CACNA1C: variants seen among roughly 807,000 people sequenced by gnomAD.
CACNA1C encodes the protein calcium voltage-gated channel subunit alpha1 C.
In CACNA1C, 30 loss-of-function variants were observed where a neutral mutation model predicts 229.0. That is an observed-to-expected ratio of 0.13 (90% CI 0.10 to 0.18). The LOEUF is 0.18. Among genes scored for constraint, CACNA1C ranks in the 10% least tolerant of loss-of-function variants. The probability of loss-of-function intolerance (pLI) is 1.00; values close to 1 mark genes in which losing one functional copy is unlikely to be tolerated. For missense variants in CACNA1C, 1,658 were observed against 2,845.0 expected (o/e 0.58, Z 9.49); for synonymous variants, 1,114 against 1,132.5 (o/e 0.98, Z 0.33).
intron 5 of CACNA1C, among the ~76,000 whole-genome samples, chr12:2,462,835 C>A (rs2099520082): frequency 6.6e-6 from 1 of 151,228 alleles, no homozygotes; most frequent in African/African-American, 2.4e-5. Context: ...GTTTTTCTTA[C>A]AACAAATAGG....
chr12:2,671,246 C>T (rs1246807636), intron 38 of CACNA1C, among the ~76,000 whole-genome samples: 1 of 152,154 alleles, frequency 6.6e-6, no homozygotes, highest in African/African-American at 2.4e-5. Context: ...ATCTCCTGAC[C>T]TTGTGATCTG....
intron 29 of CACNA1C, among the ~76,000 whole-genome samples, chr12:2,631,292 C>T (rs535744546): frequency 9.9e-5 from 15 of 152,232 alleles, no homozygotes; most frequent in East Asian, 3.9e-4. Flanking sequence ...CCTCCCACAC[C>T]GAAATAATGT....
intron 4 of CACNA1C, among the ~76,000 whole-genome samples, chr12:2,450,307 C>T (rs534801206): frequency 2.0e-5 from 3 of 152,198 alleles, no homozygotes; most frequent in East Asian, 1.9e-4. Context: ...GTAATCCCAG[C>T]ACTTTGGGAG....
At chr12:2,475,263 C>T (rs2099619805) in intron 5 of CACNA1C, among the ~76,000 whole-genome samples, 1 of 151,606 alleles carries the variant, frequency 6.6e-6, no homozygotes, top group African/African-American at 2.4e-5. Context: ...CACGCCACTG[C>T]ACTCCAGCCT....
chr12:2,301,470 CA>C (rs2154474032), intron 3 of CACNA1C, among the ~76,000 whole-genome samples: 1 of 152,226 alleles, frequency 6.6e-6, no homozygotes, highest in East Asian at 1.9e-4. Context: ...TGAAAATGAG[CA>C]AGGTTCTGTT....
At chr12:2,326,026 C>T (rs181980495) in intron 3 of CACNA1C, among the ~76,000 whole-genome samples, 4 of 152,324 alleles carry the variant, frequency 2.6e-5, no homozygotes, top group Admixed American at 1.3e-4. Context: ...ACACAAGGGC[C>T]TGCAGAAACT....
chr12:2,583,008 C>T (rs1241772730), intron 15 of CACNA1C, 66 bp downstream of exon 15: 1 of 1,218,696 alleles, frequency 8.2e-7, no homozygotes. Flanking sequence ...CAGTGCCAAA[C>T]GGGCACGCCC....
At chr12:2,213,197 C>T (rs2097984318) in intron 3 of CACNA1C, among the ~76,000 whole-genome samples, 1 of 152,134 alleles carries the variant, frequency 6.6e-6, no homozygotes, top group African/African-American at 2.4e-5. Context: ...CATCTGACAG[C>T]CTGGAAGGGC....
chr12:2,555,136 C>A (rs2043390089), intron 10 of CACNA1C, among the ~76,000 whole-genome samples: 1 of 152,226 alleles, frequency 6.6e-6, no homozygotes, highest in Non-Finnish European at 1.5e-5. Flanking sequence ...GTGCTTGAAG[C>A]AGGACCTCCT....
chr12:2,425,059 C>CTAA (rs2099016071), intron 3 of CACNA1C, among the ~76,000 whole-genome samples: 1 of 152,268 alleles, frequency 6.6e-6, no homozygotes, highest in Non-Finnish European at 1.5e-5. Flanking sequence ...AGCCCTGGGG[C>CTAA]TAATGCAGGC....
chr12:2,489,780 A>T (rs1260058576), intron 6 of CACNA1C, among the ~76,000 whole-genome samples: 1 of 152,166 alleles, frequency 6.6e-6, no homozygotes, highest in Non-Finnish European at 1.5e-5. Flanking sequence ...ACTCTCTCCT[A>T]ATCGTCACCT....
chr12:2,415,402 C>T (rs1319480887), intron 3 of CACNA1C, among the ~76,000 whole-genome samples: 1 of 152,132 alleles, frequency 6.6e-6, no homozygotes, highest in Non-Finnish European at 1.5e-5. Context: ...GCGCAGCGCC[C>T]CTGTAGTGCC....
chr12:2,605,062 G>A lies in CACNA1C; in HGVS notation c.2961-19G>A. 1 of 1,594,450 alleles carries A rather than the reference G, an allele frequency of 6.3e-7. No homozygotes were observed. The highest frequency in any genetic ancestry group is 8.6e-7 in the Non-Finnish European group (1 of 1,162,100). On this transcript the variant is annotated intron_variant, in intron 22 of 46. Transcript: ENST00000399655. The surrounding 1 kb of genome is among the most constrained non-coding windows in gnomAD (Gnocchi z 6.2). The stretch of plus-strand genomic sequence containing the variant: ...AGAAACAGGAGGAGCTTACTACCCT[G>A]CCTGTTTCCCTCTCCCAGGTCCAGT...
At chr12:2,207,393 A>G (rs1172957332) in intron 3 of CACNA1C, among the ~76,000 whole-genome samples, 1 of 152,250 alleles carries the variant, frequency 6.6e-6, no homozygotes, top group African/African-American at 2.4e-5. Flanking sequence ...TAGTTCTACT[A>G]TATAATAGAC....
At position 2,600,340 on chromosome 12, in the gene CACNA1C, C is replaced by T. The variant is rs1207954210; in HGVS notation, c.2854-1514C>T. ...CACAGGTGCCTGAGTCCTTTGGGAC[C>T]CCCTGCTGCAAGAGATAAATGGAAA... On this transcript the variant is annotated intron_variant, in intron 21 of 46. Transcript: ENST00000399655. Among the ~76,000 whole-genome samples the T allele has an allele frequency of 1.3e-5, 2 of 152,136 alleles. 1 individual carries two copies. Among genetic ancestry groups the T allele is most frequent in the Non-Finnish European group, 2.9e-5 (2 of 68,026 alleles).
rs142631614 is a variant in CACNA1C at position 2,484,303 on chromosome 12, A to G, written c.758-1801A>G. Reference sequence around the variant, plus strand: ...GAAAAGCATTCCAGGTTGAGGGAACAGCATATGTGGTGGCCCTGTGGTGGG... The same window carrying G: ...GAAAAGCATTCCAGGTTGAGGGAACGGCATATGTGGTGGCCCTGTGGTGGG... On this transcript the variant is annotated intron_variant, in intron 5 of 46. Coordinates refer to ENST00000399655, the MANE Select transcript of CACNA1C (RefSeq NM_000719.7). Among the ~76,000 whole-genome samples the G allele has an allele frequency of 4.8e-3, 731 of 152,286 alleles. 3 individuals carry two copies. Among genetic ancestry groups the G allele is most frequent in the Non-Finnish European group, 5.9e-3 (403 of 68,008 alleles).
chr12:2,648,463 C>T lies in CACNA1C; in HGVS notation c.3913-12C>T. On this transcript the variant is annotated splice_polypyrimidine_tract_variant and intron_variant, in intron 30 of 46. Coordinates refer to ENST00000399655, the MANE Select transcript of CACNA1C (RefSeq NM_000719.7). ...CTCATTACAGCTTATCTCTATCTGC[C>T]TTTCTTTAAAGCCAGCTGAACATAC... The T allele has an allele frequency of 6.2e-7, 1 of 1,613,628 alleles. No homozygotes were observed. The highest frequency in any genetic ancestry group is 8.5e-7 in the Non-Finnish European group (1 of 1,179,562).
intron 34 of CACNA1C, 35 bp downstream of exon 34, chr12:2,655,273 A>G (rs1254075285): frequency 1.6e-6 from 2 of 1,284,784 alleles, no homozygotes. Flanking sequence ...ACAGATACAC[A>G]CACACCTGCA....
chr12:2,688,435 G>A lies in CACNA1C; in HGVS notation c.5785-12G>A. On this transcript the variant is annotated splice_polypyrimidine_tract_variant and intron_variant, in intron 45 of 46. Transcript: ENST00000399655. Reference sequence around the variant, plus strand: ...CCACTCCTATTAACTCACACTCCTTGTGTGTCCGCAGGCATTGGCAGTGGC... The same window carrying A: ...CCACTCCTATTAACTCACACTCCTTATGTGTCCGCAGGCATTGGCAGTGGC... 3.7e-6 allele frequency: 6 copies of A among 1,613,556 alleles called. No individual in the cohort carries two copies. In the South Asian group the frequency reaches 4.4e-5, roughly 12 times the overall value.
Sources: allele counts gnomAD v4.1 joint callset (sites outside exome capture counted in the v4.1 genomes callset), GRCh38; gene constraint gnomAD v4.1.1; non-coding constraint Gnocchi (gnomAD v3.1); transcripts MANE v1.5; gene names NCBI Gene and HGNC (gene_info 2026-07-23, HGNC 2026-07-21).